The following CSMD1 variants were observed in gnomAD, a reference collection of about 807,000 sequenced individuals.
The protein encoded by CSMD1 is CUB and sushi domain-containing protein 1.
Under a neutral mutation model 417.5 loss-of-function variants are expected in CSMD1, and 213 were observed. The ratio of observed to expected loss-of-function variants is 0.51; its 90% CI spans 0.46 to 0.57. CSMD1 has a LOEUF of 0.57. Ranked by LOEUF, CSMD1 falls within the 20% of genes least tolerant of loss-of-function variation. The pLI, the probability that CSMD1 is intolerant of heterozygous loss-of-function variation, is 0.00. For synonymous variants in CSMD1, 2,862 were observed against 1,736.8 expected, an observed-to-expected ratio of 1.65 and a Z score of -16.11; for missense variants, 6,923 against 4,529.7, an observed-to-expected ratio of 1.53 and a Z score of -15.17.
chr8:4,602,943 T>C (rs1800673880), intron 2 of CSMD1, among the ~76,000 whole-genome samples: 1 of 151,914 alleles, frequency 6.6e-6, no homozygotes, highest in Admixed American at 6.6e-5. Context: ...AATGTAACTA[T>C]AAAAATAGAT....
chr8:3,083,827 T>C (rs1814323537), intron 49 of CSMD1, among the ~76,000 whole-genome samples: 1 of 151,278 alleles, frequency 6.6e-6, no homozygotes, highest in African/African-American at 2.4e-5. Context: ...ATCTGGCTAA[T>C]GTTTGTATTT....
intron 17 of CSMD1, among the ~76,000 whole-genome samples, chr8:3,388,060 A>G (rs981261344): frequency 6.6e-6 from 1 of 152,242 alleles, no homozygotes; most frequent in Non-Finnish European, 1.5e-5. Flanking sequence ...TGTATTAAAT[A>G]TAGACATATG....
chr8:3,262,213 A>ATC (rs1801128819), intron 26 of CSMD1, among the ~76,000 whole-genome samples: 1 of 127,988 alleles, frequency 7.8e-6, no homozygotes, highest in African/African-American at 3.2e-5. Flanking sequence ...ATATATATAT[A>ATC]TATATATATA....
At chr8:4,495,182 C>A (rs1264312246) in intron 2 of CSMD1, among the ~76,000 whole-genome samples, 1 of 152,016 alleles carries the variant, frequency 6.6e-6, no homozygotes, top group Admixed American at 6.6e-5. Flanking sequence ...TTAGCATTAC[C>A]CAGAATTTCA....
intron 6 of CSMD1, among the ~76,000 whole-genome samples, chr8:3,709,755 G>A (rs1416437137): frequency 1.6e-5 from 2 of 128,732 alleles, no homozygotes; most frequent in Non-Finnish European, 3.1e-5. Flanking sequence ...CGGCTTTCCT[G>A]GTCTCCAACT....
At chr8:4,226,870 G>T (rs998210657) in intron 3 of CSMD1, among the ~76,000 whole-genome samples, 5 of 152,174 alleles carry the variant, frequency 3.3e-5, no homozygotes, top group African/African-American at 9.7e-5. Context: ...TTTAGTTTGG[G>T]AATAAGAAAT....
intron 1 of CSMD1, among the ~76,000 whole-genome samples, chr8:4,970,784 C>T (rs13253935): frequency 0.26 from 38,813 of 151,952 alleles, 6,277 homozygotes; most frequent in Non-Finnish European, 0.37. Context: ...TCTTAATTTT[C>T]CAACTACAGA....
intron 5 of CSMD1, among the ~76,000 whole-genome samples, chr8:3,927,569 G>A (rs1309127076): frequency 1.3e-5 from 2 of 149,590 alleles, no homozygotes; most frequent in Non-Finnish European, 3.0e-5. Context: ...AGAGGCTGAG[G>A]CAGGAGAATC....
chr8:4,649,088 G>A (rs894349310), intron 1 of CSMD1, among the ~76,000 whole-genome samples: 2 of 152,138 alleles, frequency 1.3e-5, no homozygotes, highest in Admixed American at 1.3e-4. Flanking sequence ...CTCAAAATAA[G>A]TGAGTCATCA....
At chr8:4,754,117 C>T (rs576310352) in intron 1 of CSMD1, among the ~76,000 whole-genome samples, 1 of 152,090 alleles carries the variant, frequency 6.6e-6, no homozygotes, top group Non-Finnish European at 1.5e-5. Flanking sequence ...TTACATTAAA[C>T]ATTTATTCTT....
At chr8:3,855,372 C>T (rs1033233595) in intron 5 of CSMD1, among the ~76,000 whole-genome samples, 3 of 151,928 alleles carry the variant, frequency 2.0e-5, no homozygotes, top group African/African-American at 7.3e-5. Flanking sequence ...ATTTGCTAGT[C>T]TGAACAACAG....
At chr8:3,615,179 C>A (rs2117159973) in intron 8 of CSMD1, among the ~76,000 whole-genome samples, 1 of 152,246 alleles carries the variant, frequency 6.6e-6, no homozygotes, top group African/African-American at 2.4e-5. Context: ...CTGTTCACAA[C>A]CAACTCTTCC....
intron 10 of CSMD1, among the ~76,000 whole-genome samples, chr8:3,503,822 C>A (rs979527799): frequency 6.7e-6 from 1 of 149,128 alleles, no homozygotes; most frequent in Non-Finnish European, 1.5e-5. Flanking sequence ...CATCTCCCCC[C>A]ATCCCCCCTT....
At chr8:4,794,363 G>A (rs943168571) in intron 1 of CSMD1, among the ~76,000 whole-genome samples, 2 of 152,104 alleles carry the variant, frequency 1.3e-5, no homozygotes, top group African/African-American at 4.8e-5. Context: ...ATATAGGAGG[G>A]ATTTCTTTTC....
chr8:3,078,762 T>TA (rs145841664), intron 49 of CSMD1, among the ~76,000 whole-genome samples: 2 of 152,288 alleles, frequency 1.3e-5, no homozygotes, highest in East Asian at 3.9e-4. Context: ...AGAAGGGAAG[T>TA]ATGTTACCAG....
chr8:3,151,192 A>G, intron 40 of CSMD1: 1 of 487,838 alleles, frequency 2.0e-6, no homozygotes, highest in African/African-American at 1.9e-5. Flanking sequence ...ATTTGCCTTG[A>G]AAAGAGTTGC....
intron 2 of CSMD1, among the ~76,000 whole-genome samples, chr8:4,515,368 G>T (rs1803058073): frequency 1.3e-5 from 2 of 152,140 alleles, no homozygotes; most frequent in Admixed American, 6.5e-5. Context: ...TGACATAGTG[G>T]AGAGAGATGT....
intron 3 of CSMD1, among the ~76,000 whole-genome samples, chr8:4,187,569 A>G (rs1181417234): frequency 1.3e-5 from 2 of 149,660 alleles, no homozygotes; most frequent in East Asian, 4.1e-4. Flanking sequence ...GCCTGAACCC[A>G]GGAGGCTAAT....
intron 11 of CSMD1, among the ~76,000 whole-genome samples, chr8:3,470,339 A>T (rs376343903): frequency 1.3e-5 from 2 of 152,128 alleles, no homozygotes; most frequent in South Asian, 2.1e-4. Flanking sequence ...AACATTTCTA[A>T]ATTCTTGAAA....
Sources: gnomAD v4.1 joint callset for allele counts (sites outside exome capture counted in the v4.1 genomes callset) on GRCh38, gnomAD v4.1.1 for gene constraint, MANE v1.5 for transcripts, NCBI Gene and HGNC (gene_info 2026-07-23, HGNC 2026-07-21) for gene names.